The following HHIP variants were observed in gnomAD, a reference collection of about 807,000 sequenced individuals.
The protein encoded by HHIP is hedgehog-interacting protein.
HHIP carries 12 observed loss-of-function variants against 74.0 expected under a neutral mutation model. The ratio of observed to expected loss-of-function variants is 0.16; its 90% CI spans 0.10 to 0.26. HHIP has a LOEUF of 0.26. HHIP is among the 10% of genes least tolerant of loss of function. The probability of loss-of-function intolerance (pLI) is 1.00; values close to 1 mark genes in which losing one functional copy is unlikely to be tolerated. For missense variants in HHIP, 788 were observed against 845.0 expected (o/e 0.93, Z 0.84); for synonymous variants, 309 against 311.6 (o/e 0.99, Z 0.09).
intron 1 of HHIP, among the ~76,000 whole-genome samples, chr4:144,650,388 A>T (rs1439079470): frequency 1.3e-5 from 2 of 152,150 alleles, no homozygotes; most frequent in Non-Finnish European, 2.9e-5. Context: ...AACCACTGTG[A>T]TGGTTTTGTA....
chr4:144,707,025 T>G, intron 5 of HHIP, 62 bp from the exon 6 acceptor site: 2 of 1,400,228 alleles, frequency 1.4e-6, no homozygotes, highest in Admixed American at 3.4e-5. Flanking sequence ...ACTATTCACT[T>G]TCTGATGGAC....
At chr4:144,669,497 A>G (rs1196010208) in intron 4 of HHIP, among the ~76,000 whole-genome samples, 2 of 152,122 alleles carry the variant, frequency 1.3e-5, no homozygotes, top group Non-Finnish European at 2.9e-5. Context: ...TCATCTATTC[A>G]CTCACTTAAA....
chr4:144,687,777 T>C (rs999606817), intron 4 of HHIP, among the ~76,000 whole-genome samples: 1 of 146,144 alleles, frequency 6.8e-6, no homozygotes, highest in Non-Finnish European at 1.5e-5. Flanking sequence ...TTTTTTTTTT[T>C]TTGCTATTGG....
rs868449689 is a variant in HHIP, at chr4:144,707,646, C to A, written c.1157+386C>A. On this transcript the variant is annotated intron_variant, in intron 6 of 12. Coordinates refer to ENST00000296575, the MANE Select transcript of HHIP (RefSeq NM_022475.3). ...CTGACAAAAATTAAGAGAACAGAGG[C>A]AAAAAAAAAAAAGCAGTGTACTACT... Among the ~76,000 whole-genome samples, 90 of 57,162 alleles carry A rather than the reference C, an allele frequency of 1.6e-3. 2 individuals are homozygous for A. Among genetic ancestry groups the A allele is most frequent in the South Asian group, 0.01 (10 of 982 alleles). The allele number at this position is 57,162 out of a possible 152,430, so 37.5% of individuals were successfully genotyped here.
intron 4 of HHIP, among the ~76,000 whole-genome samples, chr4:144,689,622 A>G (rs1051723134): frequency 6.6e-6 from 1 of 152,174 alleles, no homozygotes; most frequent in African/African-American, 2.4e-5. Context: ...AACTTGAAAA[A>G]CAATTTTAGA....
rs752456286 is a variant in HHIP, at chr4:144,715,384, A to C, written c.1632A>C (p.Arg544Ser). 2.4e-5 allele frequency: 39 copies of C among 1,613,406 alleles called. No homozygotes were observed. The East Asian group carries it at 8.2e-4, about 34-fold the overall frequency. Residue 544 changes from arginine to serine, a missense_variant, in exon 10 of 13, where the codon AGA becomes AGC. Physicochemically the swap from Arg to Ser is moderately radical, Grantham distance 110. This residue lies in a region of HHIP where 343 missense variants were observed against 347.9 expected (regional missense o/e 0.99). Coordinates refer to ENST00000296575, the MANE Select transcript of HHIP (RefSeq NM_022475.3). The part of the protein sequence containing the change: ...PLCLGTSGSC[R>S]GYFSGHILGF... ...GTCTCGGCACTAGTGGGTCCTGTAG[A>C]GGCTACTTTTCCGGTCACATCTTGG...
intron 4 of HHIP, among the ~76,000 whole-genome samples, chr4:144,698,404 T>C (rs1437263116): frequency 6.6e-6 from 1 of 152,198 alleles, no homozygotes; most frequent in African/African-American, 2.4e-5. Flanking sequence ...TGCTGACCAT[T>C]GTATTAAGTT....
chr4:144,736,876 C>T (rs1011208673), intron 12 of HHIP, among the ~76,000 whole-genome samples: 1 of 146,164 alleles, frequency 6.8e-6, no homozygotes, highest in Non-Finnish European at 1.5e-5. Context: ...CTTTTTCTAT[C>T]CCATGTGTCA....
intron 1 of HHIP, among the ~76,000 whole-genome samples, chr4:144,651,354 TAA>T (rs903747147): frequency 3.9e-5 from 6 of 152,082 alleles, no homozygotes; most frequent in African/African-American, 1.4e-4. Context: ...TGCTGCATAC[TAA>T]AATTTCAGTA....
At chr4:144,716,095 A>G (rs1220097264) in intron 10 of HHIP, among the ~76,000 whole-genome samples, 2 of 152,264 alleles carry the variant, frequency 1.3e-5, no homozygotes, top group African/African-American at 2.4e-5. Context: ...AATTTAAATT[A>G]CAGAGATCAA....
At chr4:144,670,448 A>T (rs542526428) in intron 4 of HHIP, among the ~76,000 whole-genome samples, 18 of 123,706 alleles carry the variant, frequency 1.5e-4, no homozygotes, top group African/African-American at 5.6e-4. Flanking sequence ...GTGACTGAAG[A>T]GACTGTCAAA....
At position 144,712,019 on chromosome 4, in the gene HHIP, A is replaced by G; in HGVS notation, c.1371A>G (p.Gly457=). 1 of 1,612,034 alleles carries G rather than the reference A, an allele frequency of 6.2e-7. No individual in the cohort carries two copies. Residue 457 remains glycine, a synonymous_variant, in exon 8 of 13, where the codon GGA becomes GGG. Transcript: ENST00000296575. Reference sequence around the variant, plus strand: ...CGATACTGTGTTCAGACTCCAATGGAAAAAACAGATCATCAGCCAGAATTC... The same window carrying G: ...CGATACTGTGTTCAGACTCCAATGGGAAAAACAGATCATCAGCCAGAATTC... ...NLTILCSDSN[G]KNRSSARILQ...
chr4:144,719,466 C>T (rs78923942), intron 11 of HHIP, among the ~76,000 whole-genome samples: 2,367 of 152,270 alleles, frequency 0.016, 27 homozygotes, highest in South Asian at 0.035. Flanking sequence ...CAAATAAAAA[C>T]TTAAGTAGGG....
intron 11 of HHIP, among the ~76,000 whole-genome samples, chr4:144,725,757 C>T (rs921370437): frequency 5.3e-5 from 8 of 152,188 alleles, no homozygotes; most frequent in Admixed American, 2.6e-4. Context: ...CAACCTCTGC[C>T]TCCCGGGTTC....
intron 2 of HHIP, among the ~76,000 whole-genome samples, chr4:144,658,406 G>C (rs1728606923): frequency 6.6e-6 from 1 of 150,886 alleles, no homozygotes; most frequent in Non-Finnish European, 1.5e-5. Flanking sequence ...GTCTCGCTCT[G>C]TGGCTCAGGC....
At chr4:144,648,603 G>C (rs1003836965) in intron 1 of HHIP, 1 of 152,148 alleles carries the variant, frequency 6.6e-6, no homozygotes, top group Non-Finnish European at 1.5e-5. Context: ...GAGCCCTAAA[G>C]AACCAGGAAA....
At chr4:144,694,704 G>A (rs777732393) in intron 4 of HHIP, among the ~76,000 whole-genome samples, 1 of 150,622 alleles carries the variant, frequency 6.6e-6, no homozygotes, top group Non-Finnish European at 1.5e-5. Context: ...TTCCTGACAG[G>A]AGAAAAAAAA....
rs548901830 is a variant in HHIP at position 144,657,339 on chromosome 4, C to G, written c.473-1451C>G. ...TTGTTCTTAGAAATCCTTGCTAAATCTGAATTTGTTATACAACTTCTAAAT... is the reference window on the plus strand; with the variant it reads ...TTGTTCTTAGAAATCCTTGCTAAATGTGAATTTGTTATACAACTTCTAAAT... On this transcript the variant is annotated intron_variant, in intron 2 of 12. Transcript: ENST00000296575. Among the ~76,000 whole-genome samples, 9 of 152,240 alleles carry G rather than the reference C, an allele frequency of 5.9e-5. No individual in the cohort carries two copies. The South Asian group carries it at 1.9e-3, about 32-fold the overall frequency.
intron 7 of HHIP, among the ~76,000 whole-genome samples, chr4:144,711,430 G>A (rs1445999831): frequency 1.3e-5 from 2 of 151,942 alleles, no homozygotes; most frequent in East Asian, 1.9e-4. Flanking sequence ...CTATCAACCC[G>A]TCATCTAGGT....
Sources: allele counts gnomAD v4.1 joint callset (sites outside exome capture counted in the v4.1 genomes callset), GRCh38; gene constraint gnomAD v4.1.1; regional missense constraint gnomAD v4.1.1; transcripts MANE v1.5; gene names NCBI Gene and HGNC (gene_info 2026-07-23, HGNC 2026-07-21).